The following CNOT6 variants were observed in gnomAD, a reference collection of about 807,000 sequenced individuals.
CNOT6 encodes the protein CCR4-NOT transcription complex subunit 6.
A neutral mutation model predicts 61.2 loss-of-function variants in CNOT6; 12 were observed. The ratio of observed to expected loss-of-function variants is 0.20; its 90% confidence interval spans 0.13 to 0.32. The LOEUF (loss-of-function observed/expected upper bound fraction) is 0.32. Among genes scored for constraint, CNOT6 ranks in the 10% least tolerant of loss-of-function variants. The pLI, the probability that CNOT6 is intolerant of heterozygous loss-of-function variation, is 1.00. For synonymous variants in CNOT6, 225 were observed against 240.6 expected (o/e 0.94, Z 0.60); for missense variants, 405 against 663.9 (o/e 0.61, Z 4.28).
chr5:180,547,936 G>GT (rs1223333690), intron 2 of CNOT6, among the ~76,000 whole-genome samples: 1 of 152,122 alleles, frequency 6.6e-6, no homozygotes, highest in Non-Finnish European at 1.5e-5. Context: ...GTTTCACCGT[G>GT]TTGGCCAGGC....
chr5:180,542,983 T>C (rs941361748), intron 2 of CNOT6, among the ~76,000 whole-genome samples: 1 of 152,212 alleles, frequency 6.6e-6, no homozygotes, highest in African/African-American at 2.4e-5. Context: ...GGTAGAGATA[T>C]ATCTTTCTCT....
chr5:180,560,741 C>T (rs1237232732), intron 4 of CNOT6, among the ~76,000 whole-genome samples: 1 of 152,038 alleles, frequency 6.6e-6, no homozygotes, highest in Non-Finnish European at 1.5e-5. Context: ...CACTGTGCTT[C>T]TTGAATCTGT....
intron 2 of CNOT6, among the ~76,000 whole-genome samples, chr5:180,542,006 A>T (rs1442629548): frequency 6.6e-6 from 1 of 152,040 alleles, no homozygotes; most frequent in Non-Finnish European, 1.5e-5. Flanking sequence ...GGCGTATGTC[A>T]TGGTGAGTTC....
At chr5:180,552,459 G>A (rs1351822974) in intron 3 of CNOT6, among the ~76,000 whole-genome samples, 1 of 151,614 alleles carries the variant, frequency 6.6e-6, no homozygotes, top group Non-Finnish European at 1.5e-5. Flanking sequence ...GGCTAACACG[G>A]TGAAACCCCG....
At chr5:180,567,382 GTTT>G (rs1760518638) in intron 8 of CNOT6, 140 bp downstream of exon 8, 3 of 714,262 alleles carry the variant, frequency 4.2e-6, no homozygotes, top group Non-Finnish European at 6.6e-6. Context: ...GACCTAGGGG[GTTT>G]TTGTTTGTTT....
At chr5:180,564,050 T>G (rs928248586) in intron 4 of CNOT6, among the ~76,000 whole-genome samples, 3 of 152,356 alleles carry the variant, frequency 2.0e-5, no homozygotes, top group Admixed American at 6.5e-5. Flanking sequence ...TTAGGGTGTT[T>G]TGTTGTTAGC....
At chr5:180,546,634 T>G (rs1759328664) in intron 2 of CNOT6, among the ~76,000 whole-genome samples, 1 of 152,262 alleles carries the variant, frequency 6.6e-6, no homozygotes, top group Admixed American at 6.5e-5. Context: ...AATTACATTT[T>G]AAATAGTTGT....
At chr5:180,515,063 G>A (rs924595433) in intron 1 of CNOT6, among the ~76,000 whole-genome samples, 2 of 152,108 alleles carry the variant, frequency 1.3e-5, no homozygotes, top group Non-Finnish European at 2.9e-5. Flanking sequence ...TTCCTGTGAA[G>A]AGAAAGTAGG....
intron 7 of CNOT6, 48 bp downstream of exon 7, chr5:180,566,025 C>G (rs1339805995): frequency 5.2e-6 from 8 of 1,528,966 alleles, no homozygotes; most frequent in Middle Eastern, 1.7e-4. Flanking sequence ...AAGGAAGGAG[C>G]AACTAGGAAT....
chr5:180,494,942 GCCCCGGGCCGCGC>G (rs910443813), intron 1 of CNOT6, among the ~76,000 whole-genome samples, 179 bp downstream of exon 1: 27 of 151,616 alleles, frequency 1.8e-4, no homozygotes, highest in Middle Eastern at 3.5e-3. Flanking sequence ...ATCGCGCCCC[GCCCCGGGCCGCGC>G]CCCCGGGCCG....
At chr5:180,542,545 G>C (rs1300316186) in intron 2 of CNOT6, among the ~76,000 whole-genome samples, 1 of 152,194 alleles carries the variant, frequency 6.6e-6, no homozygotes, top group Non-Finnish European at 1.5e-5. Flanking sequence ...GATTACAGGC[G>C]TGAGCCACTG....
intron 2 of CNOT6, among the ~76,000 whole-genome samples, chr5:180,537,168 A>G (rs1758739082): frequency 6.6e-6 from 1 of 152,232 alleles, no homozygotes; most frequent in African/African-American, 2.4e-5. Context: ...GTAAATACCA[A>G]CGAGGCATGA....
chr5:180,562,082 G>T (rs1040883463), intron 4 of CNOT6, among the ~76,000 whole-genome samples: 1 of 152,148 alleles, frequency 6.6e-6, no homozygotes, highest in Non-Finnish European at 1.5e-5. Flanking sequence ...GTACCCATTG[G>T]TATTTCCATG....
intron 6 of CNOT6, 97 bp from the exon 7 acceptor site, chr5:180,565,723 C>T (rs900039368): frequency 3.8e-5 from 44 of 1,152,830 alleles, no homozygotes; most frequent in East Asian, 2.0e-4. Flanking sequence ...TGAATGAATA[C>T]GGTCAAACTT....
intron 1 of CNOT6, among the ~76,000 whole-genome samples, chr5:180,514,639 C>T (rs1411780270): frequency 6.6e-6 from 1 of 152,150 alleles, no homozygotes; most frequent in African/African-American, 2.4e-5. Context: ...AGTGTGAGTG[C>T]ATGGTTTTGA....
chr5:180,566,053 T>C, intron 7 of CNOT6, 76 bp downstream of exon 7: 1 of 1,365,544 alleles, frequency 7.3e-7, no homozygotes, highest in Non-Finnish European at 9.9e-7. Flanking sequence ...GCTGACACAT[T>C]TGAAGTTTTA....
At chr5:180,536,091 G>A (rs1034428129) in intron 2 of CNOT6, among the ~76,000 whole-genome samples, 3 of 129,850 alleles carry the variant, frequency 2.3e-5, no homozygotes, top group Non-Finnish European at 3.1e-5. Context: ...TGCCTCCCAC[G>A]TTCACACCAT....
At chr5:180,541,837 T>C (rs567426755) in intron 2 of CNOT6, among the ~76,000 whole-genome samples, 27 of 151,540 alleles carry the variant, frequency 1.8e-4, no homozygotes, top group African/African-American at 6.5e-4. Context: ...AGTGGCACTA[T>C]CCGGCCAGAG....
intron 1 of CNOT6, among the ~76,000 whole-genome samples, chr5:180,511,827 G>T (rs898595538): frequency 1.3e-5 from 2 of 151,868 alleles, no homozygotes; most frequent in Non-Finnish European, 2.9e-5. Context: ...TCTCTCTGTT[G>T]CCCAGGCTGG....
Sources: gnomAD v4.1 joint callset for allele counts (sites outside exome capture counted in the v4.1 genomes callset) on GRCh38, gnomAD v4.1.1 for gene constraint, MANE v1.5 for transcripts, NCBI Gene and HGNC (gene_info 2026-07-23, HGNC 2026-07-21) for gene names.